TMEM178B: variants seen among roughly 807,000 people sequenced by gnomAD.
TMEM178B encodes the protein transmembrane protein 178B.
TMEM178B carries 5 observed loss-of-function variants against 31.0 expected under a neutral mutation model. The observed-to-expected ratio is 0.16, with a 90% CI of 0.08 to 0.34. TMEM178B has a LOEUF of 0.34. Among genes scored for constraint, TMEM178B ranks in the 10% least tolerant of loss-of-function variants. The probability of loss-of-function intolerance (pLI) is 1.00; values close to 1 mark genes in which losing one functional copy is unlikely to be tolerated. For synonymous variants in TMEM178B, 164 were observed against 164.0 expected (o/e 1.00, Z 0.00); for missense variants, 275 against 400.3 (o/e 0.69, Z 2.67).
At chr7:141,219,462 G>C (rs1013835863) in intron 2 of TMEM178B, among the ~76,000 whole-genome samples, 4 of 152,260 alleles carry the variant, frequency 2.6e-5, no homozygotes, top group African/African-American at 9.6e-5. Context: ...CCTCTTGCTT[G>C]CAAGACTGGG....
chr7:141,228,520 C>T (rs111564792), intron 2 of TMEM178B, among the ~76,000 whole-genome samples: 32 of 152,176 alleles, frequency 2.1e-4, no homozygotes, highest in African/African-American at 6.5e-4. Flanking sequence ...AATTCAACAC[C>T]ATCCCAGGCT....
downstream of TMEM178B, among the ~76,000 whole-genome samples, chr7:141,483,216 G>A (rs534849471): frequency 1.3e-5 from 2 of 152,320 alleles, no homozygotes; most frequent in Admixed American, 6.5e-5. Context: ...GGTAACCCAA[G>A]CCCAGAGCTG....
chr7:141,244,683 G>T (rs1448937364), intron 2 of TMEM178B, among the ~76,000 whole-genome samples: 1 of 152,170 alleles, frequency 6.6e-6, no homozygotes, highest in Non-Finnish European at 1.5e-5. Context: ...CTGAATTAGA[G>T]TGTCAGTGAA....
intron 2 of TMEM178B, among the ~76,000 whole-genome samples, chr7:141,251,353 G>A (rs903655035): frequency 6.6e-6 from 1 of 151,934 alleles, no homozygotes; most frequent in African/African-American, 2.4e-5. Flanking sequence ...CAGATATGCA[G>A]GGAAACACAT....
At chr7:141,136,016 A>C (rs902310665) in intron 1 of TMEM178B, among the ~76,000 whole-genome samples, 1 of 152,180 alleles carries the variant, frequency 6.6e-6, no homozygotes, top group Non-Finnish European at 1.5e-5. Context: ...TCAGAAATGA[A>C]AAAGGAGATG....
chr7:141,433,442 C>T (rs936262181), intron 2 of TMEM178B, among the ~76,000 whole-genome samples: 1 of 152,154 alleles, frequency 6.6e-6, no homozygotes, highest in Non-Finnish European at 1.5e-5. Flanking sequence ...GGACAGCATC[C>T]GTCAGCCCTG....
intron 2 of TMEM178B, among the ~76,000 whole-genome samples, chr7:141,291,681 T>G (rs902254095): frequency 6.6e-6 from 1 of 151,746 alleles, no homozygotes; most frequent in African/African-American, 2.4e-5. Context: ...GATTGTAGGG[T>G]TTATTGAAGA....
intron 2 of TMEM178B, among the ~76,000 whole-genome samples, chr7:141,250,313 A>T (rs1289559638): frequency 6.6e-6 from 1 of 152,208 alleles, no homozygotes; most frequent in African/African-American, 2.4e-5. Flanking sequence ...TACTATTATC[A>T]TTATCCCACT....
chr7:141,284,322 TG>T (rs1798410152), intron 2 of TMEM178B, among the ~76,000 whole-genome samples: 1 of 152,232 alleles, frequency 6.6e-6, no homozygotes, highest in East Asian at 1.9e-4. Flanking sequence ...TAGTCCTTAC[TG>T]GCTCTTGATA....
At chr7:141,079,369 A>G (rs1035413724) in intron 1 of TMEM178B, among the ~76,000 whole-genome samples, 4 of 152,190 alleles carry the variant, frequency 2.6e-5, no homozygotes, top group Non-Finnish European at 5.9e-5. Context: ...CCTACTGGCT[A>G]TTGTATGGGA....
chr7:141,293,772 G>A (rs966031582), intron 2 of TMEM178B, among the ~76,000 whole-genome samples: 5 of 152,202 alleles, frequency 3.3e-5, no homozygotes, highest in African/African-American at 1.2e-4. Context: ...AAGGCTTTAT[G>A]TGTAATGCTT....
chr7:141,344,544 TCTCC>T lies in TMEM178B; in HGVS notation c.497-93051_497-93048del, dbSNP rs138487832. 6.7e-6 allele frequency among the ~76,000 whole-genome samples: 1 copy of T among 150,192 alleles called. No homozygotes were observed. The highest frequency in any genetic ancestry group is 1.5e-5 in the Non-Finnish European group (1 of 67,666). ...ACTTTTTAAAGCTGGGATTTTAGTT[TCTCC>T]CTCCCTCCCTCCATTCCTCCCTCCT... On this transcript the variant is annotated intron_variant, in intron 2 of 3. Coordinates refer to ENST00000565468, the MANE Select transcript of TMEM178B (RefSeq NM_001195278.2). The surrounding 1 kb of genome is among the most constrained non-coding windows in gnomAD (Gnocchi z 4.1).
chr7:141,313,029 C>T (rs969906357), intron 2 of TMEM178B, among the ~76,000 whole-genome samples: 3 of 152,138 alleles, frequency 2.0e-5, no homozygotes, highest in African/African-American at 4.8e-5. Flanking sequence ...TAGGTCTCAG[C>T]CTTATTTTAC....
At chr7:141,359,685 AG>A (rs1164028189) in intron 2 of TMEM178B, among the ~76,000 whole-genome samples, 9 of 152,154 alleles carry the variant, frequency 5.9e-5, no homozygotes, top group African/African-American at 1.4e-4. Flanking sequence ...TGTTTTTATG[AG>A]TAGACTACAT....
chr7:141,293,681 A>G (rs1290019760), intron 2 of TMEM178B, among the ~76,000 whole-genome samples: 1 of 152,210 alleles, frequency 6.6e-6, no homozygotes, highest in Non-Finnish European at 1.5e-5. Context: ...GTTGTTCTGC[A>G]TGATGAACAA....
intron 1 of TMEM178B, among the ~76,000 whole-genome samples, chr7:141,109,794 G>C (rs1795205384): frequency 6.6e-6 from 1 of 152,094 alleles, no homozygotes; most frequent in Non-Finnish European, 1.5e-5. Context: ...CTGACTGTTG[G>C]GCTGGATGTG....
chr7:141,247,204 TACACACAC>T (rs3035767), intron 2 of TMEM178B, among the ~76,000 whole-genome samples: 7 of 150,076 alleles, frequency 4.7e-5, no homozygotes, highest in East Asian at 3.9e-4. Context: ...GGTTTCTCTC[TACACACAC>T]ACACACACAC....
At chr7:141,366,884 C>T (rs1343983206) in intron 2 of TMEM178B, among the ~76,000 whole-genome samples, 1 of 152,122 alleles carries the variant, frequency 6.6e-6, no homozygotes, top group Non-Finnish European at 1.5e-5. Context: ...TGCAACTCTT[C>T]TGTGACAGTT....
intron 1 of TMEM178B, among the ~76,000 whole-genome samples, chr7:141,136,604 A>G (rs551064456): frequency 5.8e-4 from 89 of 152,332 alleles, no homozygotes; most frequent in Non-Finnish European, 1.1e-3. Context: ...AATGGTAGAA[A>G]AGAATTACAA....
Sources: gnomAD v4.1 joint callset for allele counts (sites outside exome capture counted in the v4.1 genomes callset) on GRCh38, gnomAD v4.1.1 for gene constraint, Gnocchi (gnomAD v3.1) non-coding constraint, MANE v1.5 for transcripts, NCBI Gene and HGNC (gene_info 2026-07-23, HGNC 2026-07-21) for gene names.